Variants in SOBP observed in about 807,000 individuals in gnomAD.
SOBP encodes the protein sine oculis binding protein homolog.
Under a neutral mutation model 53.6 loss-of-function variants are expected in SOBP, and 4 were observed. The observed-to-expected ratio is 0.07, with a 90% CI of 0.04 to 0.17. The LOEUF (loss-of-function observed/expected upper bound fraction) is 0.17. Among genes scored for constraint, SOBP ranks in the 10% least tolerant of loss-of-function variants. The pLI, the probability that SOBP is intolerant of heterozygous loss-of-function variation, is 1.00. For missense variants in SOBP, 1,088 were observed against 1,204.7 expected, an observed-to-expected ratio of 0.90 and a Z score of 1.43; for synonymous variants, 584 against 522.6, an observed-to-expected ratio of 1.12 and a Z score of -1.60.
At chr6:107,630,028 A>G (rs2115135011) in intron 5 of SOBP, among the ~76,000 whole-genome samples, 1 of 152,338 alleles carries the variant, frequency 6.6e-6, no homozygotes, top group South Asian at 2.1e-4. Context: ...TTGGGTCCCC[A>G]GATTGGCATC....
At chr6:107,515,744 C>T (rs1783300263) in intron 3 of SOBP, among the ~76,000 whole-genome samples, 1 of 151,862 alleles carries the variant, frequency 6.6e-6, no homozygotes, top group South Asian at 2.1e-4. Context: ...GAGACTCTGT[C>T]TCAAAAAACA....
chr6:107,595,260 A>G (rs1210346693), intron 5 of SOBP, among the ~76,000 whole-genome samples: 2 of 151,800 alleles, frequency 1.3e-5, no homozygotes, highest in Non-Finnish European at 2.9e-5. Flanking sequence ...ACATTAAAAG[A>G]TCAGCTGTAG....
intron 4 of SOBP, among the ~76,000 whole-genome samples, chr6:107,535,409 AC>A (rs1783963901): frequency 1.3e-5 from 2 of 152,228 alleles, no homozygotes; most frequent in Admixed American, 6.5e-5. Flanking sequence ...TGGGAGGAGG[AC>A]CATCACATTT....
At chr6:107,624,712 G>T (rs1268529420) in intron 5 of SOBP, among the ~76,000 whole-genome samples, 2 of 152,154 alleles carry the variant, frequency 1.3e-5, no homozygotes, top group Non-Finnish European at 2.9e-5. Flanking sequence ...CACTCTTTTG[G>T]CTGTGTAGAT....
At chr6:107,532,268 CACACCA>C (rs1256815343) in intron 3 of SOBP, among the ~76,000 whole-genome samples, 14 of 148,024 alleles carry the variant, frequency 9.5e-5, no homozygotes, top group South Asian at 4.3e-4. Context: ...CACACACACA[CACACCA>C]CACACACACA....
rs1447644537 is a variant in SOBP at position 107,633,535 on chromosome 6, A to G, written c.691A>G (p.Ile231Val). The change falls in exon 6 of 7, where the codon ATA becomes GTA. Residue 231 changes from isoleucine (I) to valine (V), a missense_variant. Around this residue, in one of 6 missense-constraint regions of SOBP, gnomAD observed 55 missense variants for 134.3 expected, o/e 0.41. Transcript: ENST00000317357. Reference protein sequence around the residue: ...ELLVCDWCKHIRHTKEYLDFG... With the variant: ...ELLVCDWCKHVRHTKEYLDFG... Reference sequence around the variant, plus strand: ...GTAGGTATGTGACTGGTGTAAGCACATAAGACACACAAAAGAATACCTGGA... The same window carrying G: ...GTAGGTATGTGACTGGTGTAAGCACGTAAGACACACAAAAGAATACCTGGA... The G allele has an allele frequency of 6.2e-7, 1 of 1,614,240 alleles. No individual in the cohort carries two copies. The highest frequency in any genetic ancestry group is 2.2e-5 in the East Asian group (1 of 44,892).
chr6:107,513,342 T>G (rs553280024), intron 3 of SOBP, among the ~76,000 whole-genome samples: 2 of 152,334 alleles, frequency 1.3e-5, no homozygotes, highest in South Asian at 4.1e-4. Context: ...AGAACTGGAC[T>G]CTAAGGAACC....
chr6:107,529,222 C>T (rs993429964), intron 3 of SOBP, among the ~76,000 whole-genome samples: 1 of 152,186 alleles, frequency 6.6e-6, no homozygotes, highest in African/African-American at 2.4e-5. Flanking sequence ...TTCTTTTTTG[C>T]AGAAGTTATA....
intron 6 of SOBP, among the ~76,000 whole-genome samples, chr6:107,642,144 G>A (rs1055271751): frequency 2.0e-5 from 3 of 152,174 alleles, no homozygotes; most frequent in African/African-American, 7.2e-5. Flanking sequence ...GTTTAACAGG[G>A]TCCCATTCTC....
At chr6:107,494,043 T>G (rs1015407012) in intron 1 of SOBP, among the ~76,000 whole-genome samples, 1 of 152,250 alleles carries the variant, frequency 6.6e-6, no homozygotes, top group African/African-American at 2.4e-5. Flanking sequence ...TGTAGAAATG[T>G]TTGTCTCACT....
intron 4 of SOBP, among the ~76,000 whole-genome samples, chr6:107,552,591 C>T (rs1338345035): frequency 1.3e-5 from 2 of 152,196 alleles, no homozygotes; most frequent in African/African-American, 2.4e-5. Flanking sequence ...TCACCATGTT[C>T]AGCCTGGTCT....
chr6:107,516,211 T>C (rs1783315826), intron 3 of SOBP, among the ~76,000 whole-genome samples: 1 of 152,122 alleles, frequency 6.6e-6, no homozygotes, highest in Non-Finnish European at 1.5e-5. Context: ...CTTGTAATAG[T>C]AGTACTTTGG....
chr6:107,511,405 C>T (rs1011896572), intron 3 of SOBP: 3 of 152,196 alleles, frequency 2.0e-5, no homozygotes, highest in Non-Finnish European at 2.9e-5. Context: ...GTTCTAAAAG[C>T]GTGGATGGCC....
Position 107,633,651 on chromosome 6 carries a change from C to T in SOBP, c.807C>T (p.Ala269=). 6.2e-7 allele frequency: 1 copy of T among 1,614,238 alleles called. No homozygotes were observed. Among genetic ancestry groups the T allele is most frequent in the Non-Finnish European group, 8.5e-7 (1 of 1,180,046 alleles). Residue 269 remains alanine (A), a synonymous_variant, in exon 6 of 7, where the codon GCC becomes GCT. Transcript: ENST00000317357. The part of the protein sequence containing the change: ...KMDIFYKETQ[A]NLPAGLCSTL... ...ACATTTTCTACAAAGAGACCCAGGCCAATCTTCCAGCTGGGCTGTGCAGCA... is the reference window on the plus strand; with the variant it reads ...ACATTTTCTACAAAGAGACCCAGGCTAATCTTCCAGCTGGGCTGTGCAGCA...
chr6:107,548,211 G>T (rs1053397656), intron 4 of SOBP, among the ~76,000 whole-genome samples: 8 of 151,672 alleles, frequency 5.3e-5, no homozygotes, highest in African/African-American at 1.9e-4. Context: ...TGGCACCAGA[G>T]AAAACCATGT....
chr6:107,500,527 A>AT lies in SOBP; in HGVS notation c.97-3118dup, dbSNP rs1287141699. 5.4e-3 allele frequency among the ~76,000 whole-genome samples: 797 copies of AT among 148,262 alleles called. 20 individuals are homozygous for AT. Among genetic ancestry groups the AT allele is most frequent in the Admixed American group, 0.038 (560 of 14,826 alleles). On this transcript the variant is annotated intron_variant, in intron 1 of 6. Coordinates refer to ENST00000317357, the MANE Select transcript of SOBP (RefSeq NM_018013.4). Reference sequence around the variant, plus strand: ...ACCTTGAAATTTAAATTTAAAAAAAATTTTTTTTTTTTGAGAAGGAATCTC... The same window carrying AT: ...ACCTTGAAATTTAAATTTAAAAAAAATTTTTTTTTTTTTGAGAAGGAATCTC...
At chr6:107,577,112 G>T (rs975147264) in intron 4 of SOBP, among the ~76,000 whole-genome samples, 5 of 152,118 alleles carry the variant, frequency 3.3e-5, no homozygotes, top group Non-Finnish European at 7.4e-5. Flanking sequence ...GCATCCTTTC[G>T]CATGTTTTCT....
At chr6:107,616,632 C>T (rs548702300) in intron 5 of SOBP, among the ~76,000 whole-genome samples, 6 of 152,270 alleles carry the variant, frequency 3.9e-5, no homozygotes, top group Admixed American at 6.5e-5. Flanking sequence ...CTGCACTGCT[C>T]GCTTTGTCTT....
chr6:107,537,136 G>C (rs1482901573), intron 4 of SOBP, among the ~76,000 whole-genome samples: 1 of 152,172 alleles, frequency 6.6e-6, no homozygotes, highest in Non-Finnish European at 1.5e-5. Context: ...AAAACATTTA[G>C]TCCAACTTGC....
Sources: allele counts gnomAD v4.1 joint callset (sites outside exome capture counted in the v4.1 genomes callset), GRCh38; gene constraint gnomAD v4.1.1; regional missense constraint gnomAD v4.1.1; transcripts MANE v1.5; gene names NCBI Gene and HGNC (gene_info 2026-07-23, HGNC 2026-07-21).